The following SKAP2 variants were observed in gnomAD, a reference collection of about 807,000 sequenced individuals.
SKAP2 encodes src kinase-associated phosphoprotein 2.
Under a neutral mutation model 54.9 loss-of-function variants are expected in SKAP2, and 28 were observed. The ratio of observed to expected loss-of-function variants is 0.51; its 90% CI spans 0.38 to 0.70. The LOEUF (loss-of-function observed/expected upper bound fraction) is 0.70. SKAP2 is among the 30% of genes least tolerant of loss of function. The probability of loss-of-function intolerance (pLI) is 0.00; values close to 1 mark genes in which losing one functional copy is unlikely to be tolerated. For missense variants in SKAP2, 356 were observed against 424.1 expected (o/e 0.84, Z 1.41); for synonymous variants, 137 against 134.3 (o/e 1.02, Z -0.14).
intron 4 of SKAP2, among the ~76,000 whole-genome samples, chr7:26,824,654 A>T (rs1479354888): frequency 3.9e-5 from 6 of 152,236 alleles, no homozygotes; most frequent in Non-Finnish European, 8.8e-5. Flanking sequence ...GTAAAGTGTC[A>T]GACTAGAAAT....
At chr7:26,848,499 C>T (rs149825411) in intron 3 of SKAP2, among the ~76,000 whole-genome samples, 252 of 144,656 alleles carry the variant, frequency 1.7e-3, no homozygotes, top group African/African-American at 5.9e-3. Flanking sequence ...TAGTGTCACA[C>T]TTAGGTTCCG....
At chr7:26,821,865 A>G (rs1330186819) in intron 4 of SKAP2, among the ~76,000 whole-genome samples, 1 of 152,128 alleles carries the variant, frequency 6.6e-6, no homozygotes, top group Non-Finnish European at 1.5e-5. Context: ...CCCCAGAAGT[A>G]TACCAAGCCC....
intron 9 of SKAP2, among the ~76,000 whole-genome samples, chr7:26,701,720 G>A (rs1359013644): frequency 6.7e-6 from 1 of 149,920 alleles, no homozygotes; most frequent in Non-Finnish European, 1.5e-5. Context: ...ACAAGACTTC[G>A]TCTCAAAAAT....
chr7:26,793,060 G>A (rs974370287), intron 4 of SKAP2, among the ~76,000 whole-genome samples: 3 of 152,124 alleles, frequency 2.0e-5, no homozygotes, highest in Admixed American at 2.0e-4. Flanking sequence ...CTCCAGACTA[G>A]CAGTGACATA....
the SKAP2 span, among the ~76,000 whole-genome samples, chr7:26,659,031 T>A: frequency 6.6e-6 from 1 of 152,178 alleles, no homozygotes; most frequent in Non-Finnish European, 1.5e-5. Context: ...ATATAAGAAA[T>A]ACGTGTGTTG....
At chr7:26,766,549 C>T (rs950302281) in intron 4 of SKAP2, among the ~76,000 whole-genome samples, 8 of 152,106 alleles carry the variant, frequency 5.3e-5, no homozygotes, top group East Asian at 1.9e-4. Flanking sequence ...TGTCTTGAGC[C>T]GGTTTTCAAA....
At chr7:26,656,208 A>G in the SKAP2 span, among the ~76,000 whole-genome samples, 1 of 152,222 alleles carries the variant, frequency 6.6e-6, no homozygotes, top group East Asian at 1.9e-4. Context: ...ACAGCTGGAA[A>G]ACAATATGCA....
intron 4 of SKAP2, among the ~76,000 whole-genome samples, chr7:26,745,038 T>G (rs1224176189): frequency 6.6e-6 from 1 of 152,176 alleles, no homozygotes; most frequent in Non-Finnish European, 1.5e-5. Flanking sequence ...GGTTGTTTAA[T>G]CTAGACTTTA....
intron 4 of SKAP2, among the ~76,000 whole-genome samples, chr7:26,841,421 A>G (rs1784814258): frequency 6.6e-6 from 1 of 151,748 alleles, no homozygotes; most frequent in South Asian, 2.1e-4. Flanking sequence ...TTTCATCCCC[A>G]TTCAATTTCT....
At chr7:26,733,627 G>A (rs1301446552) in intron 6 of SKAP2, among the ~76,000 whole-genome samples, 4 of 151,776 alleles carry the variant, frequency 2.6e-5, no homozygotes, top group Non-Finnish European at 4.4e-5. Context: ...TCCTATCAAC[G>A]GTGAAGTTGT....
intron 4 of SKAP2, among the ~76,000 whole-genome samples, chr7:26,825,596 AAAG>A (rs1311796299): frequency 6.6e-6 from 1 of 151,672 alleles, no homozygotes; most frequent in African/African-American, 2.4e-5. Context: ...AAAAAAAAAA[AAAG>A]GAGAACTTTC....
At chr7:26,841,732 G>A (rs1053191502) in intron 4 of SKAP2, among the ~76,000 whole-genome samples, 1 of 151,968 alleles carries the variant, frequency 6.6e-6, no homozygotes, top group Admixed American at 6.6e-5. Context: ...AGATGTGCAG[G>A]TTTGACCTTT....
intron 11 of SKAP2, among the ~76,000 whole-genome samples, chr7:26,679,401 C>T (rs1277791766): frequency 6.6e-6 from 1 of 152,174 alleles, no homozygotes. Flanking sequence ...CTGCTTTTCA[C>T]TCCTAGGAGG....
chr7:26,761,201 C>CT (rs1398736872), intron 4 of SKAP2, among the ~76,000 whole-genome samples: 10 of 152,170 alleles, frequency 6.6e-5, no homozygotes, highest in Non-Finnish European at 1.2e-4. Context: ...GCAATAGTCC[C>CT]TCTTCCATAT....
chr7:26,722,762 G>T (rs557605845), intron 9 of SKAP2, among the ~76,000 whole-genome samples: 35 of 152,064 alleles, frequency 2.3e-4, no homozygotes, highest in African/African-American at 8.2e-4. Flanking sequence ...TCAAAACACT[G>T]CAGGTTTATT....
chr7:26,835,799 T>C (rs895050878), intron 4 of SKAP2, among the ~76,000 whole-genome samples: 1 of 152,130 alleles, frequency 6.6e-6, no homozygotes, highest in Non-Finnish European at 1.5e-5. Context: ...GCTATCCCCA[T>C]CAAGCTACCA....
chr7:26,715,977 T>C (rs1420937394), intron 9 of SKAP2, among the ~76,000 whole-genome samples: 1 of 152,228 alleles, frequency 6.6e-6, no homozygotes, highest in Non-Finnish European at 1.5e-5. Flanking sequence ...CAGAGTTGGC[T>C]CTTAATTAAA....
chr7:26,690,783 C>A (rs1243525783), intron 9 of SKAP2, among the ~76,000 whole-genome samples: 3 of 152,182 alleles, frequency 2.0e-5, no homozygotes, highest in African/African-American at 7.2e-5. Context: ...TACTGATACA[C>A]CACATTGTAC....
intron 6 of SKAP2, among the ~76,000 whole-genome samples, chr7:26,734,786 T>G (rs149680691): frequency 1.8e-3 from 275 of 152,224 alleles, no homozygotes; most frequent in Middle Eastern, 3.4e-3. Flanking sequence ...TATAGAGACA[T>G]ATCCCATTCT....
Sources: gnomAD v4.1 joint callset for allele counts (sites outside exome capture counted in the v4.1 genomes callset) on GRCh38, gnomAD v4.1.1 for gene constraint, MANE v1.5 for transcripts, NCBI Gene and HGNC (gene_info 2026-07-23, HGNC 2026-07-21) for gene names.